The following PREX1 variants were observed in gnomAD, a reference collection of about 807,000 sequenced individuals.
The protein encoded by PREX1 is phosphatidylinositol 3,4,5-trisphosphate-dependent Rac exchanger 1 protein.
PREX1 carries 41 observed loss-of-function variants against 198.3 expected under a neutral mutation model. The observed-to-expected ratio is 0.21, with a 90% CI of 0.16 to 0.27. The LOEUF (loss-of-function observed/expected upper bound fraction) is 0.27, where lower values mean the gene tolerates loss of function less well. PREX1 is among the 10% of genes least tolerant of loss of function. PREX1 has a pLI of 1.00. For missense variants in PREX1, 1,620 were observed against 2,200.7 expected, an observed-to-expected ratio of 0.74 and a Z score of 5.28; for synonymous variants, 843 against 887.2, an observed-to-expected ratio of 0.95 and a Z score of 0.89.
chr20:48,803,739 G>A (rs149051210), intron 1 of PREX1, among the ~76,000 whole-genome samples: 28 of 152,282 alleles, frequency 1.8e-4, no homozygotes, highest in African/African-American at 6.5e-4. Flanking sequence ...CTACACTGAC[G>A]AACCTGTGAC....
the PREX1 span, among the ~76,000 whole-genome samples, chr20:48,883,181 A>G: frequency 0.018 from 2,720 of 151,886 alleles, 49 homozygotes; most frequent in African/African-American, 0.03. Flanking sequence ...GTATCTGTCC[A>G]CCTTGGCCTC....
At chr20:48,778,780 C>A (rs2090275335) in intron 1 of PREX1, among the ~76,000 whole-genome samples, 1 of 152,140 alleles carries the variant, frequency 6.6e-6, no homozygotes, top group Admixed American at 6.5e-5. Context: ...TAAACTGTTG[C>A]TTTAAACCAA....
At chr20:48,681,960 C>T (rs767405572) in intron 10 of PREX1, among the ~76,000 whole-genome samples, 6 of 151,880 alleles carry the variant, frequency 4.0e-5, no homozygotes, top group African/African-American at 1.5e-4. Context: ...GGGAGTCAGG[C>T]GAGCTAACAG....
intron 1 of PREX1, among the ~76,000 whole-genome samples, chr20:48,805,635 G>A (rs1049770121): frequency 2.0e-5 from 3 of 152,268 alleles, no homozygotes; most frequent in South Asian, 2.1e-4. Context: ...CCTCAGCACC[G>A]GGGGCTCCCT....
intron 5 of PREX1, among the ~76,000 whole-genome samples, chr20:48,710,255 G>A (rs1379815518): frequency 1.3e-5 from 2 of 152,222 alleles, no homozygotes; most frequent in Admixed American, 6.5e-5. Context: ...AATGCGGAGT[G>A]TATTTCGACT....
At chr20:48,766,102 G>A (rs902910749) in intron 1 of PREX1, among the ~76,000 whole-genome samples, 1 of 151,962 alleles carries the variant, frequency 6.6e-6, no homozygotes, top group African/African-American at 2.4e-5. Context: ...ACAAGCTCAG[G>A]GTTCCCACTG....
the PREX1 span, among the ~76,000 whole-genome samples, chr20:48,873,572 AAAG>A: frequency 6.7e-6 from 1 of 148,734 alleles, no homozygotes; most frequent in African/African-American, 2.5e-5. Context: ...AAAAAAAAAA[AAAG>A]CCGGTATGGT....
At chr20:48,667,686 C>T (rs528711111) in intron 14 of PREX1, among the ~76,000 whole-genome samples, 16 of 152,334 alleles carry the variant, frequency 1.1e-4, no homozygotes, top group African/African-American at 3.9e-4. Context: ...TCAGGACTTC[C>T]CGAAGGAAGT....
At position 48,689,050 on chromosome 20, in the gene PREX1, T is replaced by A. The variant is rs73911634; in HGVS notation, c.1187-246A>T. Among the ~76,000 whole-genome samples the A allele has an allele frequency of 1.7e-3, 259 of 152,342 alleles. 1 individual carries two copies. Among genetic ancestry groups the A allele is most frequent in the African/African-American group, 5.9e-3 (246 of 41,574 alleles). On this transcript the variant is annotated intron_variant, in intron 9 of 39. Coordinates refer to ENST00000371941, the MANE Select transcript of PREX1 (RefSeq NM_020820.4). ...AAAGTTGAGACCCAGAGAGGTTAAG[T>A]CCTGGGATGACAGGGGGTCATGCCT...
rs1251566926 is a variant in PREX1 at position 48,691,435 on chromosome 20, G to A, written c.1037-339C>T. 6.6e-6 allele frequency among the ~76,000 whole-genome samples: 1 copy of A among 152,182 alleles called. No homozygotes were observed. Among genetic ancestry groups the A allele is most frequent in the Non-Finnish European group, 1.5e-5 (1 of 68,030 alleles). On this transcript the variant is annotated intron_variant, in intron 8 of 39. Coordinates refer to ENST00000371941, the MANE Select transcript of PREX1 (RefSeq NM_020820.4). The surrounding 1 kb of genome is among the most constrained non-coding windows in gnomAD (Gnocchi z 5.0). ...CCTCCCATCTCACTCGGGCACTGGA[G>A]TTACTTAAAACCTTAGTGCCAGCCT...
intron 9 of PREX1, 50 bp from the exon 10 acceptor site, chr20:48,688,854 G>T (rs773110799): frequency 1.2e-6 from 2 of 1,608,478 alleles, no homozygotes; most frequent in South Asian, 1.1e-5. Context: ...CCCAGGGCAG[G>T]GGGGGTAGGG....
Position 48,630,809 on chromosome 20 carries a change from T to C in PREX1, c.4527-15A>G, listed in dbSNP as rs1427929821. 3.2e-6 allele frequency: 5 copies of C among 1,553,096 alleles called. No homozygotes were observed. Among genetic ancestry groups the C allele is most frequent in the South Asian group, 1.1e-5 (1 of 89,760 alleles). ...GGTAAAATGCCCTGCGAGAGAAAGA[T>C]GGGAATGAGGCGGGGGCCACCACAC... is the stretch of plus-strand genomic sequence containing the variant. On this transcript the variant is annotated splice_polypyrimidine_tract_variant and intron_variant, in intron 35 of 39. Coordinates refer to ENST00000371941, the MANE Select transcript of PREX1 (RefSeq NM_020820.4).
chr20:48,686,932 T>G (rs2089788368), intron 10 of PREX1, among the ~76,000 whole-genome samples: 1 of 152,180 alleles, frequency 6.6e-6, no homozygotes, highest in Admixed American at 6.5e-5. Flanking sequence ...TATCAGCATT[T>G]CAGCCTCCAC....
chr20:48,783,117 G>A (rs2090297057), intron 1 of PREX1, among the ~76,000 whole-genome samples: 1 of 152,150 alleles, frequency 6.6e-6, no homozygotes, highest in South Asian at 2.1e-4. Flanking sequence ...ATCCTCATTT[G>A]TGAAATGAAA....
At chr20:48,639,099 A>C (rs1393146160) in intron 30 of PREX1, among the ~76,000 whole-genome samples, 1 of 152,224 alleles carries the variant, frequency 6.6e-6, no homozygotes, top group Admixed American at 6.5e-5. Context: ...AATGCCGGCA[A>C]GGGCCAGGCA....
intron 5 of PREX1, among the ~76,000 whole-genome samples, chr20:48,723,787 G>C (rs1260482072): frequency 2.6e-5 from 4 of 152,158 alleles, no homozygotes; most frequent in Non-Finnish European, 4.4e-5. Flanking sequence ...TCTGGCCCCT[G>C]GGGAGATGGG....
intron 19 of PREX1, 101 bp from the exon 20 acceptor site, chr20:48,653,598 C>A: frequency 1.4e-6 from 2 of 1,452,574 alleles, no homozygotes; most frequent in Non-Finnish European, 1.9e-6. Flanking sequence ...CAGACACGCG[C>A]AAGGACTCCA....
At chr20:48,715,633 ATG>A (rs2089958710) in intron 5 of PREX1, among the ~76,000 whole-genome samples, 1 of 152,244 alleles carries the variant, frequency 6.6e-6, no homozygotes, top group Non-Finnish European at 1.5e-5. Context: ...CAATGGGGTG[ATG>A]AATGTAAAAG....
chr20:48,857,848 A>G, the PREX1 span, among the ~76,000 whole-genome samples: 2 of 152,226 alleles, frequency 1.3e-5, no homozygotes, highest in African/African-American at 4.8e-5. Context: ...GGGAGTTTGC[A>G]TATGAGCTGG....
Sources: gnomAD v4.1 joint callset for allele counts (sites outside exome capture counted in the v4.1 genomes callset) on GRCh38, gnomAD v4.1.1 for gene constraint, Gnocchi (gnomAD v3.1) non-coding constraint, MANE v1.5 for transcripts, NCBI Gene and HGNC (gene_info 2026-07-23, HGNC 2026-07-21) for gene names.